DCAF13: variants seen among roughly 807,000 people sequenced by gnomAD.
DCAF13 encodes DDB1- and CUL4-associated factor 13.
Under a neutral mutation model 59.0 loss-of-function variants are expected in DCAF13, and 38 were observed. The observed-to-expected ratio is 0.64, with a 90% confidence interval of 0.50 to 0.84. DCAF13 has a LOEUF of 0.84. Among genes scored for constraint, DCAF13 ranks in the 40% least tolerant of loss-of-function variants. The pLI, the probability that DCAF13 is intolerant of heterozygous loss-of-function variation, is 0.00. For missense variants in DCAF13, 469 were observed against 558.4 expected (o/e 0.84, Z 1.61); for synonymous variants, 173 against 175.0 (o/e 0.99, Z 0.09).
At chr8:103,420,627 A>T in intron 2 of DCAF13, 164 bp downstream of exon 2, 1 of 661,746 alleles carries the variant, frequency 1.5e-6, no homozygotes, top group Non-Finnish European at 2.5e-6. Flanking sequence ...CTTTAAACCT[A>T]AGAAATTATA....
intron 8 of DCAF13, among the ~76,000 whole-genome samples, chr8:103,439,149 C>T (rs893525577): frequency 2.0e-5 from 3 of 151,946 alleles, no homozygotes; most frequent in East Asian, 3.9e-4. Context: ...GGACTACAGG[C>T]GCCTGCCACC....
intron 5 of DCAF13, chr8:103,427,462 A>G: frequency 1.8e-6 from 1 of 570,628 alleles, no homozygotes; most frequent in South Asian, 2.3e-5. Flanking sequence ...AGAGTTAAGC[A>G]TTGTTAGAGG....
intron 6 of DCAF13, among the ~76,000 whole-genome samples, chr8:103,432,135 A>G (rs1487868070): frequency 6.6e-6 from 1 of 152,172 alleles, no homozygotes; most frequent in African/African-American, 2.4e-5. Context: ...CCTACCAGGT[A>G]CAGTTCTGGG....
intron 1 of DCAF13, among the ~76,000 whole-genome samples, chr8:103,418,871 T>TA: frequency 3.6e-5 from 1 of 27,818 alleles, no homozygotes; most frequent in African/African-American, 1.4e-4. Flanking sequence ...TATATATTTT[T>TA]TTTTTTTTTT....
Position 103,443,203 on chromosome 8 carries a change from G to A in DCAF13, c.*321G>A. 1 of 175,626 alleles carries A rather than the reference G, an allele frequency of 5.7e-6. No individual in the cohort carries two copies. The highest frequency in any genetic ancestry group is 1.2e-5 in the Non-Finnish European group (1 of 84,014). The allele number at this position is 175,626 out of a possible 1,614,324, so 10.9% of individuals were successfully genotyped here. On this transcript the variant is annotated 3_prime_UTR_variant, in exon 11 of 11. Transcript: ENST00000612750. ...ACTATACATTCAAATTGACATTTAA[G>A]ACCAAACATCTCTTATGTTATCTTT...
chr8:103,440,400 A>G (rs990354488), intron 9 of DCAF13, 129 bp downstream of exon 9: 8 of 753,624 alleles, frequency 1.1e-5, no homozygotes, highest in South Asian at 2.3e-5. Context: ...TGATAAAAAA[A>G]GCAATAAATG....
intron 7 of DCAF13, among the ~76,000 whole-genome samples, chr8:103,434,256 T>C (rs1816903588): frequency 6.6e-6 from 1 of 152,078 alleles, no homozygotes; most frequent in African/African-American, 2.4e-5. Flanking sequence ...TTAAACTAAC[T>C]CTATATCATA....
chr8:103,442,700 T>G, intron 10 of DCAF13, 95 bp from the exon 11 acceptor site: 1 of 779,146 alleles, frequency 1.3e-6, no homozygotes. Context: ...AATAGGTGTT[T>G]TTCTAGTGAA....
chr8:103,435,281 G>C (rs992690715), intron 7 of DCAF13, among the ~76,000 whole-genome samples: 8 of 151,932 alleles, frequency 5.3e-5, no homozygotes, highest in African/African-American at 1.9e-4. Flanking sequence ...TAAATAGTAT[G>C]GTGAAAAAGG....
intron 5 of DCAF13, chr8:103,427,947 C>A (rs2130485124): frequency 6.6e-6 from 1 of 152,242 alleles, no homozygotes; most frequent in Non-Finnish European, 1.5e-5. Context: ...CCAGAAGACT[C>A]AGTAGGGATA....
chr8:103,418,862 ATATATTTTTTTTTTTTTTTTTTTTTTTTT>A (rs1443097808), intron 1 of DCAF13, among the ~76,000 whole-genome samples: 5 of 21,260 alleles, frequency 2.4e-4, no homozygotes, highest in African/African-American at 1.3e-3. Context: ...ATATATATAT[ATATATTTTTTTTTTTTTTTTTTTTTTTTT>A]TTTTTTTTTT....
chr8:103,425,507 A>G (rs1408598664), intron 3 of DCAF13, among the ~76,000 whole-genome samples: 1 of 152,176 alleles, frequency 6.6e-6, no homozygotes, highest in Non-Finnish European at 1.5e-5. Context: ...GGACCCTGAA[A>G]AGTTCTCAGG....
At chr8:103,421,963 T>G (rs1349870427) in intron 3 of DCAF13, among the ~76,000 whole-genome samples, 1 of 152,232 alleles carries the variant, frequency 6.6e-6, no homozygotes, top group African/African-American at 2.4e-5. Flanking sequence ...ATTGAAAGTC[T>G]TTTTAAACAA....
rs748993515 is a variant in DCAF13 at position 103,427,122 on chromosome 8, A to G, written c.494A>G (p.His165Arg). 8.7e-6 allele frequency: 14 copies of G among 1,612,888 alleles called. No homozygotes were observed. The highest frequency in any genetic ancestry group is 1.7e-5 in the Admixed American group (1 of 59,882). Residue 165 changes from histidine (H) to arginine (R), a missense_variant, in exon 5 of 11, where the codon CAC becomes CGC. His to Arg is a conservative substitution (Grantham distance 29). This residue lies in a region of DCAF13 where 355 missense variants were observed against 399.1 expected (regional missense o/e 0.89). Coordinates refer to ENST00000612750, the MANE Select transcript of DCAF13 (RefSeq NM_015420.7). ...GKTVYTGIDH[H>R]WKEAVFATCG... Reference sequence around the variant, plus strand: ...ACAGTGTATACTGGGATTGATCATCACTGGAAAGAAGCTGTTTTTGCCACA... The same window carrying G: ...ACAGTGTATACTGGGATTGATCATCGCTGGAAAGAAGCTGTTTTTGCCACA...
intron 1 of DCAF13, 84 bp downstream of exon 1, chr8:103,415,600 A>C: frequency 1.5e-6 from 2 of 1,335,418 alleles, no homozygotes; most frequent in Non-Finnish European, 2.0e-6. Flanking sequence ...AAGCCGGGGG[A>C]GGCTGGCACT....
intron 10 of DCAF13, 106 bp downstream of exon 10, chr8:103,441,724 T>C: frequency 1.9e-6 from 2 of 1,068,460 alleles, no homozygotes; most frequent in Admixed American, 2.4e-5. Context: ...TGTGCTATTA[T>C]TTAATAGTAT....
At chr8:103,431,399 C>T (rs913535366) in intron 6 of DCAF13, among the ~76,000 whole-genome samples, 22 of 152,270 alleles carry the variant, frequency 1.4e-4, no homozygotes, top group African/African-American at 4.3e-4. Context: ...AGTCTGTTGT[C>T]GTAGTCCACA....
intron 6 of DCAF13, among the ~76,000 whole-genome samples, chr8:103,431,763 T>C (rs1816868254): frequency 6.6e-6 from 1 of 152,100 alleles, no homozygotes; most frequent in Non-Finnish European, 1.5e-5. Flanking sequence ...TTCTGCCCCC[T>C]CCCACCTACC....
At chr8:103,441,942 T>G (rs904225279) in intron 10 of DCAF13, 1 of 218,918 alleles carries the variant, frequency 4.6e-6, no homozygotes, top group Admixed American at 6.2e-5. Context: ...ATTTTTTGTA[T>G]TTTTAGTAGA....
Sources: allele counts gnomAD v4.1 joint callset (sites outside exome capture counted in the v4.1 genomes callset), GRCh38; gene constraint gnomAD v4.1.1; regional missense constraint gnomAD v4.1.1; transcripts MANE v1.5; gene names NCBI Gene and HGNC (gene_info 2026-07-23, HGNC 2026-07-21).